Variants in DTNA observed in about 807,000 individuals in gnomAD.
DTNA encodes dystrophin-related protein 3.
A neutral mutation model predicts 100.7 loss-of-function variants in DTNA; 43 were observed. The observed-to-expected ratio is 0.43, with a 90% CI of 0.33 to 0.55. The LOEUF (loss-of-function observed/expected upper bound fraction) is 0.55. Ranked by LOEUF, DTNA falls within the 20% of genes least tolerant of loss-of-function variation. The pLI, the probability that DTNA is intolerant of heterozygous loss-of-function variation, is 0.04. For missense variants in DTNA, 798 were observed against 953.9 expected (o/e 0.84, Z 2.15); for synonymous variants, 349 against 347.9 (o/e 1.00, Z -0.04).
intron 1 of DTNA, among the ~76,000 whole-genome samples, chr18:34,722,090 T>C (rs990403194): frequency 5.9e-5 from 9 of 152,220 alleles, no homozygotes; most frequent in Non-Finnish European, 1.2e-4. Context: ...ATTTATTACC[T>C]TTCTCATTTA....
intron 1 of DTNA, among the ~76,000 whole-genome samples, chr18:34,698,379 C>T (rs965411358): frequency 1.7e-4 from 26 of 152,184 alleles, no homozygotes; most frequent in Admixed American, 6.5e-4. Flanking sequence ...GAAGGTTCTG[C>T]GGAAGAATCC....
intron 17 of DTNA, chr18:34,866,429 C>G: frequency 2.3e-6 from 3 of 1,290,832 alleles, no homozygotes; most frequent in South Asian, 3.2e-5. Context: ...AGTTTCAAAC[C>G]AGTCTTAGCT....
intron 1 of DTNA, among the ~76,000 whole-genome samples, chr18:34,657,143 G>A (rs527626414): frequency 6.6e-6 from 1 of 152,236 alleles, no homozygotes; most frequent in Admixed American, 6.5e-5. Flanking sequence ...CTCCCAAAGT[G>A]CTAGGACTAG....
intron 11 of DTNA, among the ~76,000 whole-genome samples, chr18:34,834,407 A>G (rs957180541): frequency 1.3e-5 from 2 of 151,692 alleles, no homozygotes; most frequent in African/African-American, 4.8e-5. Context: ...GGAGGCTGAG[A>G]CAGAAGAATC....
chr18:34,729,559 A>G (rs2087580038), intron 1 of DTNA, among the ~76,000 whole-genome samples: 1 of 152,218 alleles, frequency 6.6e-6, no homozygotes, highest in Admixed American at 6.5e-5. Flanking sequence ...AAAATGTTGT[A>G]TATTTTTCAC....
In DTNA at chr18:34,812,029, A is replaced by T. The variant is rs1437518518; in HGVS notation, c.519A>T (p.Glu173Asp). The T allele has an allele frequency of 6.2e-7, 1 of 1,614,112 alleles. No individual in the cohort carries two copies. The highest frequency in any genetic ancestry group is 1.1e-5 in the South Asian group (1 of 91,084). Residue 173 changes from glutamate (E) to aspartate (D), a missense_variant, in exon 6 of 23, where the codon GAA becomes GAT. Glu to Asp is a conservative substitution (Grantham distance 45, BLOSUM62 2). Coordinates refer to ENST00000444659, the MANE Select transcript of DTNA (RefSeq NM_001386795.1). ...VYGRYDQFLREVLKLPTAVFE... is the reference protein window; with the variant it reads ...VYGRYDQFLRDVLKLPTAVFE... ...GACGATATGACCAATTCCTTCGGGA[A>T]GTTCTCAAACTACCCACGGCAGTTT...
At chr18:34,680,040 C>T (rs1423994403) in intron 1 of DTNA, among the ~76,000 whole-genome samples, 1 of 152,064 alleles carries the variant, frequency 6.6e-6, no homozygotes, top group Admixed American at 6.5e-5. Flanking sequence ...ATAATAGTGG[C>T]TTAATCACTA....
intron 17 of DTNA, chr18:34,868,806 A>G: frequency 1.0e-6 from 1 of 975,096 alleles, no homozygotes; most frequent in Non-Finnish European, 1.2e-6. Flanking sequence ...TTTTTACAAA[A>G]CTTGAATTGA....
At chr18:34,872,661 C>T (rs2096777008) in intron 17 of DTNA, among the ~76,000 whole-genome samples, 1 of 152,242 alleles carries the variant, frequency 6.6e-6, no homozygotes, top group Admixed American at 6.5e-5. Context: ...AAGGCCCTCC[C>T]ATCACCCTGA....
chr18:34,756,007 A>G lies in DTNA; in HGVS notation c.31A>G (p.Thr11Ala), dbSNP rs2092743024. 3 of 1,613,450 alleles carry G rather than the reference A, an allele frequency of 1.9e-6. No individual in the cohort carries two copies. The highest frequency in any genetic ancestry group is 3.3e-5 in the Admixed American group (2 of 60,012). ...TGAAGATAGTGGGAAAAGAGGAAAT[A>G]CCATGGCAGAAAGAAGACAGCTGTT... The part of the protein sequence containing the change: MIEDSGKRGN[T>A]MAERRQLFAE... The change falls in exon 2 of 23, where the codon ACC (threonine) becomes GCC (alanine). Residue 11 changes from threonine (T) to alanine (A), a missense_variant. Around this residue, in one of 6 missense-constraint regions of DTNA, gnomAD observed 197 missense variants for 215.4 expected, o/e 0.91. Coordinates refer to ENST00000444659, the MANE Select transcript of DTNA (RefSeq NM_001386795.1).
chr18:34,830,809 T>TC (rs946528519), intron 11 of DTNA, among the ~76,000 whole-genome samples: 4 of 152,214 alleles, frequency 2.6e-5, no homozygotes, highest in African/African-American at 7.2e-5. Flanking sequence ...GTAAACTGTA[T>TC]CCCTAATCTA....
At chr18:34,610,391 T>C (rs2053994368) in intron 1 of DTNA, among the ~76,000 whole-genome samples, 1 of 152,192 alleles carries the variant, frequency 6.6e-6, no homozygotes, top group Admixed American at 6.5e-5. Context: ...CAAATCAGTC[T>C]TAATGGAAGT....
chr18:34,861,347 G>T (rs185277237), intron 16 of DTNA, among the ~76,000 whole-genome samples: 3 of 151,848 alleles, frequency 2.0e-5, no homozygotes, highest in African/African-American at 4.8e-5. Flanking sequence ...TTAGCCGAGC[G>T]TGGTGGCAGG....
rs1287548013 is a variant in DTNA at position 34,556,462 on chromosome 18, G to T, written c.-2+62948G>T. Reference sequence around the variant, plus strand: ...CGTTAGTTGATGCAGTTTCTTCCTAGTCTCGATGGTCTTTACATTTTGGCA... The same window carrying T: ...CGTTAGTTGATGCAGTTTCTTCCTATTCTCGATGGTCTTTACATTTTGGCA... On this transcript the variant is annotated intron_variant, in intron 1 of 19. Transcript: ENST00000283365. Among the ~76,000 whole-genome samples the T allele has an allele frequency of 3.4e-3, 515 of 151,244 alleles. 2 individuals carry two copies. Among genetic ancestry groups the T allele is most frequent in the Non-Finnish European group, 5.0e-3 (339 of 67,550 alleles).
chr18:34,582,872 T>G (rs1567951147), intron 1 of DTNA, among the ~76,000 whole-genome samples: 3 of 152,112 alleles, frequency 2.0e-5, no homozygotes, highest in South Asian at 4.1e-4. Context: ...TAACAAAATA[T>G]ACAAATGTGG....
At chr18:34,878,217 ATCC>A (rs1354101216) in intron 19 of DTNA, among the ~76,000 whole-genome samples, 2 of 152,000 alleles carry the variant, frequency 1.3e-5, no homozygotes, top group Non-Finnish European at 2.9e-5. Context: ...GCCTCAAGTG[ATCC>A]TCCTGCCTCG....
intron 1 of DTNA, among the ~76,000 whole-genome samples, chr18:34,550,500 A>G (rs2045294100): frequency 6.6e-6 from 1 of 152,158 alleles, no homozygotes; most frequent in Admixed American, 6.5e-5. Context: ...TGAGCAGGTG[A>G]ATCGACACAT....
chr18:34,670,746 G>A (rs1599900827), intron 1 of DTNA, among the ~76,000 whole-genome samples: 1 of 152,210 alleles, frequency 6.6e-6, no homozygotes, highest in South Asian at 2.1e-4. Flanking sequence ...GGATATTGCT[G>A]AATAGCAGAT....
intron 1 of DTNA, among the ~76,000 whole-genome samples, chr18:34,753,383 A>ATTT (rs1568413203): frequency 2.2e-3 from 28 of 12,628 alleles, no homozygotes; most frequent in African/African-American, 6.2e-3. Context: ...TTTTTTTTTT[A>ATTT]TTTTTTATTT....
Sources: allele counts gnomAD v4.1 joint callset (sites outside exome capture counted in the v4.1 genomes callset), GRCh38; gene constraint gnomAD v4.1.1; regional missense constraint gnomAD v4.1.1; transcripts MANE v1.5; gene names NCBI Gene and HGNC (gene_info 2026-07-23, HGNC 2026-07-21).